LONRF2: variants seen among roughly 807,000 people sequenced by gnomAD.
The protein encoded by LONRF2 is LON peptidase N-terminal domain and ring finger 2.
Under a neutral mutation model 66.6 loss-of-function variants are expected in LONRF2, and 35 were observed. That is an observed-to-expected ratio of 0.53 (90% CI 0.40 to 0.70). LONRF2 has a LOEUF of 0.70. Among genes scored for constraint, LONRF2 ranks in the 30% least tolerant of loss-of-function variants. The pLI is 0.00. For missense variants in LONRF2, 902 were observed against 1,002.1 expected (o/e 0.90, Z 1.35); for synonymous variants, 417 against 418.1 (o/e 1.00, Z 0.03).
At position 100,276,093 on chromosome 2, in the gene LONRF2, A is replaced by C. The variant is rs1674596369; in HGVS notation, c.*8205T>G. On this transcript the variant is annotated 3_prime_UTR_variant, in exon 12 of 12. Transcript: ENST00000393437. ...AAATGTATACAACAAATTATATACT[A>C]ATATTACAAATAAATAAGATGTATA... The C allele has an allele frequency of 6.6e-6, 1 of 152,234 alleles. No homozygotes were observed. Among genetic ancestry groups the C allele is most frequent in the Non-Finnish European group, 1.5e-5 (1 of 68,044 alleles). 9.4% of individuals were successfully genotyped at this position (152,234 alleles called of 1,614,324 possible). A position where few individuals can be genotyped will look rare whatever the true frequency, so the allele number is the denominator to read the frequency against.
intron 1 of LONRF2, among the ~76,000 whole-genome samples, chr2:100,314,413 G>A (rs913969644): frequency 5.9e-5 from 9 of 152,166 alleles, no homozygotes; most frequent in South Asian, 2.1e-4. Context: ...TGCCTATTAC[G>A]TAGTTTCAGC....
In LONRF2 at chr2:100,291,337, G is replaced by C. The variant is rs77359732; in HGVS notation, c.1758-917C>G. On this transcript the variant is annotated intron_variant, in intron 9 of 11. Transcript: ENST00000393437. ...CATGCCCTGCAGTGAGGCAGGCTTGGAGGAGCTGACGTTTATCTGGAGGCC... is the reference window on the plus strand; with the variant it reads ...CATGCCCTGCAGTGAGGCAGGCTTGCAGGAGCTGACGTTTATCTGGAGGCC... Among the ~76,000 whole-genome samples, 95 of 152,254 alleles carry C rather than the reference G, an allele frequency of 6.2e-4. No individual in the cohort carries two copies. In the East Asian group the frequency reaches 0.014, roughly 23 times the overall value.
intron 1 of LONRF2, among the ~76,000 whole-genome samples, chr2:100,315,276 G>C (rs11680660): frequency 0.5 from 76,610 of 151,966 alleles, 19,672 homozygotes; most frequent in East Asian, 0.76. Context: ...ATATAGTTAT[G>C]TTTGATAACC....
Position 100,294,227 on chromosome 2 carries a change from AC to A in LONRF2, c.1757+1del. 6.2e-7 allele frequency: 1 copy of A among 1,602,570 alleles called. No individual in the cohort carries two copies. Reference sequence around the variant, plus strand: ...TTTGAACCAAATGCTAACAGTTCTTACCCCGCGTGCTCAGCAGATAAACACA... The same window carrying A: ...TTTGAACCAAATGCTAACAGTTCTTACCCGCGTGCTCAGCAGATAAACACA... On this transcript the variant is annotated splice_donor_variant, in intron 9 of 11. Coordinates refer to ENST00000393437, the MANE Select transcript of LONRF2 (RefSeq NM_198461.4). LOFTEE classifies it high-confidence loss of function.
intron 11 of LONRF2, 41 bp downstream of exon 11, chr2:100,286,873 C>T: frequency 6.3e-7 from 1 of 1,596,516 alleles, no homozygotes; most frequent in East Asian, 2.2e-5. Flanking sequence ...CACACTACAG[C>T]AGGAAGTAAC....
intron 2 of LONRF2, among the ~76,000 whole-genome samples, chr2:100,308,112 G>A (rs532557462): frequency 3.4e-4 from 52 of 152,352 alleles, no homozygotes; most frequent in Admixed American, 1.5e-3. Context: ...GCTCACGCCT[G>A]TAATCCCAGC....
chr2:100,287,823 T>C (rs1674878324), intron 10 of LONRF2, among the ~76,000 whole-genome samples: 1 of 152,180 alleles, frequency 6.6e-6, no homozygotes, highest in African/African-American at 2.4e-5. Context: ...CCAACTCTCA[T>C]GTGTGAATCT....
rs1674625957 is a variant in LONRF2 at position 100,277,615 on chromosome 2, C to T, written c.*6683G>A. ...AGAGGGTACAGATGGCATTGCCAAC[C>T]CTCATATAAATGATGGAGCCCAAGA... On this transcript the variant is annotated 3_prime_UTR_variant, in exon 12 of 12. Coordinates refer to ENST00000393437, the MANE Select transcript of LONRF2 (RefSeq NM_198461.4). The T allele has an allele frequency of 6.6e-6, 1 of 152,092 alleles. No homozygotes were observed. Among genetic ancestry groups the T allele is most frequent in the Admixed American group, 6.5e-5 (1 of 15,272 alleles). The allele number at this position is 152,092 out of a possible 1,614,324, so 9.4% of individuals were successfully genotyped here. A position where few individuals can be genotyped will look rare whatever the true frequency, so the allele number is the denominator to read the frequency against.
chr2:100,303,596 T>G (rs1424798370), intron 2 of LONRF2, among the ~76,000 whole-genome samples: 1 of 152,256 alleles, frequency 6.6e-6, no homozygotes, highest in Non-Finnish European at 1.5e-5. Context: ...TTACATATAG[T>G]TGAAAGACTT....
chr2:100,311,911 C>T (rs999020660), intron 1 of LONRF2, among the ~76,000 whole-genome samples: 9 of 152,132 alleles, frequency 5.9e-5, no homozygotes, highest in African/African-American at 2.2e-4. Context: ...GTCTTAACTC[C>T]TATTACACTG....
rs1399235322 is a variant in LONRF2 at position 100,321,521 on chromosome 2, G to A, written c.573C>T (p.Phe191=). The change falls in exon 1 of 12, where the codon TTC becomes TTT. Residue 191 remains phenylalanine, a synonymous_variant. Coordinates refer to ENST00000393437, the MANE Select transcript of LONRF2 (RefSeq NM_198461.4). ...VVLSGLLEKC[F]PAECRLRRLA... ...GCCTGCGCAGCCGGCACTCGGCCGG[G>A]AAGCACTTCTCCAGCAGGCCGCTCA... 3.9e-6 allele frequency: 6 copies of A among 1,551,462 alleles called. No homozygotes were observed. The South Asian group carries it at 5.8e-5, about 15-fold the overall frequency.
In LONRF2 at chr2:100,321,649, G is replaced by A. The variant is rs1253836484; in HGVS notation, c.445C>T (p.Leu149=). The A allele has an allele frequency of 7.2e-6, 10 of 1,393,458 alleles. No individual in the cohort carries two copies. Among genetic ancestry groups the A allele is most frequent in the African/African-American group, 1.5e-5 (1 of 66,594 alleles). 86.3% of individuals were successfully genotyped at this position (1,393,458 alleles called of 1,614,324 possible). Residue 149 remains leucine, a synonymous_variant, in exon 1 of 12, where the codon CTG becomes TTG. Coordinates refer to ENST00000393437, the MANE Select transcript of LONRF2 (RefSeq NM_198461.4). ...GGCAGCGTCACCGGCTTATGCAGCA[G>A]CCGCCGGCAGCGCGGGCAGCCGAGC... The part of the protein sequence containing the change: ...DLLGCPRCRR[L]LHKPVTLPCG...
At chr2:100,312,085 T>C (rs1243085012) in intron 1 of LONRF2, among the ~76,000 whole-genome samples, 1 of 152,206 alleles carries the variant, frequency 6.6e-6, no homozygotes, top group African/African-American at 2.4e-5. Context: ...CATTTTTCTA[T>C]GATCTGAAAT....
intron 1 of LONRF2, among the ~76,000 whole-genome samples, chr2:100,318,282 A>G (rs1675549264): frequency 6.6e-6 from 1 of 152,220 alleles, no homozygotes; most frequent in African/African-American, 2.4e-5. Flanking sequence ...TTGAATTTCC[A>G]GGATACCCAC....
rs1179249679 is a variant in LONRF2 at position 100,276,292 on chromosome 2, C to T, written c.*8006G>A. 2 of 152,114 alleles carry T rather than the reference C, an allele frequency of 1.3e-5. No homozygotes were observed. The highest frequency in any genetic ancestry group is 2.9e-5 in the Non-Finnish European group (2 of 68,036). The allele number at this position is 152,114 out of a possible 1,614,324, so 9.4% of individuals were successfully genotyped here. On this transcript the variant is annotated 3_prime_UTR_variant, in exon 12 of 12. Coordinates refer to ENST00000393437, the MANE Select transcript of LONRF2 (RefSeq NM_198461.4). ...ACCTGGAGATCCCACTAAATCTAAACATTGTACCCCTATAATCTTTTTAAA... is the reference window on the plus strand; with the variant it reads ...ACCTGGAGATCCCACTAAATCTAAATATTGTACCCCTATAATCTTTTTAAA...
At chr2:100,287,730 C>T (rs923721961) in intron 10 of LONRF2, among the ~76,000 whole-genome samples, 2 of 152,154 alleles carry the variant, frequency 1.3e-5, no homozygotes, top group Non-Finnish European at 2.9e-5. Context: ...AATTACGCCT[C>T]AGTCCTGTTC....
rs1439556701 is a variant in LONRF2 at position 100,321,694 on chromosome 2, G to T, written c.400C>A (p.Pro134Thr). The T allele has an allele frequency of 4.7e-5, 57 of 1,219,060 alleles. No individual in the cohort carries two copies. The highest frequency in any genetic ancestry group is 5.3e-5 in the Non-Finnish European group (52 of 983,202). 75.5% of individuals were successfully genotyped at this position (1,219,060 alleles called of 1,614,324 possible). A position where few individuals can be genotyped will look rare whatever the true frequency, so the allele number is the denominator to read the frequency against. ...APGEGGPAPE[P>T]RAPRDLLGCP... is the part of the protein sequence containing the mutation. ...CCGAGCAGGTCGCGGGGCGCGCGGG[G>T]CTCCGGGGCCGGCCCTCCCTCGCCG... Residue 134 changes from proline to threonine, a missense_variant, in exon 1 of 12, where the codon CCC becomes ACC. Pro to Thr is a conservative substitution (Grantham distance 38). Around this residue, in one of 2 missense-constraint regions of LONRF2, gnomAD observed 585 missense variants for 569.9 expected, o/e 1.03. Coordinates refer to ENST00000393437, the MANE Select transcript of LONRF2 (RefSeq NM_198461.4).
At chr2:100,310,794 A>G (rs1238242615) in intron 1 of LONRF2, among the ~76,000 whole-genome samples, 1 of 152,236 alleles carries the variant, frequency 6.6e-6, no homozygotes, top group Non-Finnish European at 1.5e-5. Context: ...AAACTGAAGG[A>G]TATCATATAG....
Position 100,309,313 on chromosome 2 carries a change from A to G in LONRF2, c.680-88T>C, listed in dbSNP as rs1033783106. 4 of 715,104 alleles carry G rather than the reference A, an allele frequency of 5.6e-6. No homozygotes were observed. The African/African-American group carries it at 7.3e-5, about 13-fold the overall frequency. 44.3% of individuals were successfully genotyped at this position (715,104 alleles called of 1,614,324 possible). A position where few individuals can be genotyped will look rare whatever the true frequency, so the allele number is the denominator to read the frequency against. The stretch of plus-strand genomic sequence containing the variant: ...TGTCATTACATATATTAAAGTGTAT[A>G]TATACATATGTATAAAGTATAAATA... On this transcript the variant is annotated intron_variant, in intron 1 of 11. Transcript: ENST00000393437.
Sources: gnomAD v4.1 joint callset for allele counts (sites outside exome capture counted in the v4.1 genomes callset) on GRCh38, gnomAD v4.1.1 for gene constraint, gnomAD v4.1.1 regional missense constraint, MANE v1.5 for transcripts, NCBI Gene and HGNC (gene_info 2026-07-23, HGNC 2026-07-21) for gene names.